Variants in PRICKLE2 observed in about 807,000 individuals in gnomAD.
PRICKLE2 encodes the protein prickle planar cell polarity protein 2.
Under a neutral mutation model 81.4 loss-of-function variants are expected in PRICKLE2, and 21 were observed. That is an observed-to-expected ratio of 0.26 (90% CI 0.18 to 0.37). The LOEUF is 0.37. Among genes scored for constraint, PRICKLE2 ranks in the 10% least tolerant of loss-of-function variants. The pLI, the probability that PRICKLE2 is intolerant of heterozygous loss-of-function variation, is 1.00. For synonymous variants in PRICKLE2, 456 were observed against 421.5 expected (o/e 1.08, Z -1.00); for missense variants, 940 against 1,109.0 (o/e 0.85, Z 2.16).
At chr3:64,113,701 C>T (rs1243065965) in intron 7 of PRICKLE2, among the ~76,000 whole-genome samples, 1 of 152,126 alleles carries the variant, frequency 6.6e-6, no homozygotes, top group East Asian at 1.9e-4. Context: ...GGCATAAAGC[C>T]AGCAAGCCCT....
intron 1 of PRICKLE2, chr3:64,199,309 C>G: frequency 2.4e-6 from 1 of 408,476 alleles, no homozygotes; most frequent in Non-Finnish European, 4.4e-6. Flanking sequence ...CCCATGACCA[C>G]AATTTCCTTG....
Position 64,160,044 on chromosome 3 carries a change from T to G in PRICKLE2, c.292A>C (p.Lys98Gln). 1 of 1,614,096 alleles carries G rather than the reference T, an allele frequency of 6.2e-7. No individual in the cohort carries two copies. The highest frequency in any genetic ancestry group is 8.5e-7 in the Non-Finnish European group (1 of 1,180,008). ...CTGCTGAAAAGCTTCAGCTCCCTCT[T>G]CTCTTCCTCATCCAGGGAGTTGCAA... ...RYCNSLDEEEKRELKLFSSQR... is the reference protein window; with the variant it reads ...RYCNSLDEEEQRELKLFSSQR... The change falls in exon 4 of 8, where the codon AAG (lysine) becomes CAG (glutamine). Residue 98 changes from lysine (K) to glutamine (Q), a missense_variant. This residue lies in a region of PRICKLE2 where 270 missense variants were observed against 391.8 expected (regional missense o/e 0.69). Coordinates refer to ENST00000638394, the MANE Select transcript of PRICKLE2 (RefSeq NM_198859.4).
Position 64,095,923 on chromosome 3 carries a change from C to T in PRICKLE2, c.*3128G>A, listed in dbSNP as rs1414306647. ...TGGTAGAGATCCCACAACTATATGA[C>T]AGAAGGAAAGCGCCCTGAATACCAT... On this transcript the variant is annotated 3_prime_UTR_variant, in exon 8 of 8. Transcript: ENST00000638394. The T allele has an allele frequency of 6.6e-6, 1 of 152,244 alleles. No homozygotes were observed. Among genetic ancestry groups the T allele is most frequent in the Non-Finnish European group, 1.5e-5 (1 of 68,086 alleles). 9.4% of individuals were successfully genotyped at this position (152,244 alleles called of 1,614,324 possible). A position where few individuals can be genotyped will look rare whatever the true frequency, so the allele number is the denominator to read the frequency against.
chr3:64,267,784 C>T (rs1482178536), intron 2 of PRICKLE2: 1 of 152,238 alleles, frequency 6.6e-6, no homozygotes, highest in African/African-American at 2.4e-5. Flanking sequence ...GCGCATCTCT[C>T]CCAGAGCTTA....
At chr3:64,139,946 A>G (rs2077334589) in intron 7 of PRICKLE2, among the ~76,000 whole-genome samples, 1 of 152,158 alleles carries the variant, frequency 6.6e-6, no homozygotes, top group African/African-American at 2.4e-5. Context: ...TATATCATAC[A>G]ATTGGATGGT....
intron 2 of PRICKLE2, among the ~76,000 whole-genome samples, chr3:64,257,287 A>T (rs1261666888): frequency 6.6e-6 from 1 of 151,786 alleles, no homozygotes; most frequent in Non-Finnish European, 1.5e-5. Context: ...GTTTGTGCCA[A>T]CTCCTCCCTC....
intron 2 of PRICKLE2, among the ~76,000 whole-genome samples, chr3:64,231,584 A>G (rs2079103822): frequency 6.6e-6 from 1 of 152,212 alleles, no homozygotes; most frequent in Admixed American, 6.5e-5. Flanking sequence ...AAAATGAATG[A>G]TATCCTAGAA....
At chr3:64,233,908 T>C (rs1161404856) in intron 2 of PRICKLE2, among the ~76,000 whole-genome samples, 1 of 152,210 alleles carries the variant, frequency 6.6e-6, no homozygotes, top group African/African-American at 2.4e-5. Flanking sequence ...ATTCTTGACA[T>C]TTTATATTAG....
At chr3:64,128,179 T>A (rs2077140306) in intron 7 of PRICKLE2, among the ~76,000 whole-genome samples, 2 of 152,140 alleles carry the variant, frequency 1.3e-5, no homozygotes, top group Admixed American at 1.3e-4. Context: ...TGGCCTGGTC[T>A]AAGAGTGCCC....
At chr3:64,179,038 TTCTTTC>T (rs1405366769) in intron 2 of PRICKLE2, among the ~76,000 whole-genome samples, 1 of 147,630 alleles carries the variant, frequency 6.8e-6, no homozygotes, top group Non-Finnish European at 1.5e-5. Context: ...TTTCTTTCTT[TTCTTTC>T]CTTCTTTCTT....
At chr3:64,216,218 A>G (rs1030553456) in intron 1 of PRICKLE2, among the ~76,000 whole-genome samples, 4 of 152,370 alleles carry the variant, frequency 2.6e-5, no homozygotes, top group East Asian at 3.9e-4. Context: ...CTACCAGCCA[A>G]CTTAGCAGTT....
intron 7 of PRICKLE2, among the ~76,000 whole-genome samples, chr3:64,134,415 T>C (rs567773210): frequency 3.9e-5 from 6 of 152,344 alleles, no homozygotes; most frequent in African/African-American, 7.2e-5. Flanking sequence ...ATGATTTTCA[T>C]TGGAATTCCC....
chr3:64,245,691 G>C (rs2079338732), intron 2 of PRICKLE2, among the ~76,000 whole-genome samples: 1 of 152,144 alleles, frequency 6.6e-6, no homozygotes, highest in African/African-American at 2.4e-5. Context: ...TGTACCAATG[G>C]ATGATTCCTG....
chr3:64,159,900 C>T (rs1453488734), intron 4 of PRICKLE2, 40 bp downstream of exon 4: 2 of 1,613,170 alleles, frequency 1.2e-6, no homozygotes, highest in African/African-American at 1.3e-5. Context: ...TGAAAAGATG[C>T]CAGAACAATG....
rs1234103728 is a variant in PRICKLE2 at position 64,094,630 on chromosome 3, A to G, written c.*4421T>C. On this transcript the variant is annotated 3_prime_UTR_variant, in exon 8 of 8. Transcript: ENST00000638394. Reference sequence around the variant, plus strand: ...GGAGTCTTGTGTTGACTAGGCTACTATTATGAGAAAATGGAAAAAGAATCC... The same window carrying G: ...GGAGTCTTGTGTTGACTAGGCTACTGTTATGAGAAAATGGAAAAAGAATCC... The G allele has an allele frequency of 6.6e-6, 1 of 152,206 alleles. No homozygotes were observed. Among genetic ancestry groups the G allele is most frequent in the African/African-American group, 2.4e-5 (1 of 41,436 alleles). 9.4% of individuals were successfully genotyped at this position (152,206 alleles called of 1,614,324 possible). A position where few individuals can be genotyped will look rare whatever the true frequency, so the allele number is the denominator to read the frequency against.
intron 2 of PRICKLE2, among the ~76,000 whole-genome samples, chr3:64,237,156 A>G (rs1209660323): frequency 6.6e-6 from 1 of 152,126 alleles, no homozygotes; most frequent in Non-Finnish European, 1.5e-5. Flanking sequence ...GGGATTGTCT[A>G]TGAGCCCCAG....
In PRICKLE2 at chr3:64,099,209, C is replaced by T; in HGVS notation, c.2377G>A (p.Glu793Lys). The T allele has an allele frequency of 6.2e-7, 1 of 1,614,164 alleles. No individual in the cohort carries two copies. The highest frequency in any genetic ancestry group is 8.5e-7 in the Non-Finnish European group (1 of 1,180,028). ...AGGCGCGCTGGCTGGGGGATGGGTT[C>T]TCCTAGGAAATAGCCCTCGTTGTCA... ...ESDNEGYFLG[E>K]PIPQPARLRY... Residue 793 changes from glutamate (E) to lysine (K), a missense_variant, in exon 8 of 8, where the codon GAA becomes AAA. Glu to Lys is a moderately conservative substitution (Grantham distance 56). Transcript: ENST00000638394. The surrounding 1 kb of genome is among the most constrained non-coding windows in gnomAD (Gnocchi z 4.3).
Position 64,225,205 on chromosome 3 carries a change from C to A in PRICKLE2, c.-336G>T. 1 of 985,454 alleles carries A rather than the reference C, an allele frequency of 1.0e-6. No homozygotes were observed. The highest frequency in any genetic ancestry group is 1.2e-6 in the Non-Finnish European group (1 of 829,988). The allele number at this position is 985,454 out of a possible 1,614,324, so 61.0% of individuals were successfully genotyped here. A position where few individuals can be genotyped will look rare whatever the true frequency, so the allele number is the denominator to read the frequency against. On this transcript the variant is annotated 5_prime_UTR_variant, in exon 1 of 8. Transcript: ENST00000638394. ...GAAAAAAAGTATGACTTCTACTCTT[C>A]CTCTAGATCAGCCTGAGTGCTCAGA...
At chr3:64,150,562 A>G (rs1490215162) in intron 6 of PRICKLE2, among the ~76,000 whole-genome samples, 2 of 150,858 alleles carry the variant, frequency 1.3e-5, no homozygotes, top group African/African-American at 4.9e-5. Context: ...CCTTCTTCTC[A>G]CTCCCTTTCT....
Sources: allele counts gnomAD v4.1 joint callset (sites outside exome capture counted in the v4.1 genomes callset), GRCh38; gene constraint gnomAD v4.1.1; regional missense constraint gnomAD v4.1.1; non-coding constraint Gnocchi (gnomAD v3.1); transcripts MANE v1.5; gene names NCBI Gene and HGNC (gene_info 2026-07-23, HGNC 2026-07-21).